KLHL1: variants seen among roughly 807,000 people sequenced by gnomAD.
KLHL1 encodes kelch-like protein 1.
In KLHL1, 47 loss-of-function variants were observed where a neutral mutation model predicts 77.7. The observed-to-expected ratio is 0.60, with a 90% CI of 0.48 to 0.77. KLHL1 has a LOEUF of 0.77. Ranked by LOEUF, KLHL1 falls within the 30% of genes least tolerant of loss-of-function variation. The pLI is 0.00. For missense variants in KLHL1, 925 were observed against 910.8 expected, an observed-to-expected ratio of 1.02 and a Z score of -0.20; for synonymous variants, 360 against 325.2, an observed-to-expected ratio of 1.11 and a Z score of -1.15.
intron 9 of KLHL1, among the ~76,000 whole-genome samples, chr13:69,718,413 T>G (rs1474810627): frequency 3.0e-5 from 1 of 33,658 alleles, no homozygotes; most frequent in African/African-American, 8.0e-5. Flanking sequence ...ATATTCTAGG[T>G]TTTTTTTTCA....
At chr13:70,086,214 T>C (rs557345816) in intron 1 of KLHL1, among the ~76,000 whole-genome samples, 1 of 151,998 alleles carries the variant, frequency 6.6e-6, no homozygotes, top group South Asian at 2.1e-4. Context: ...GTTAAAATTA[T>C]GTTGTGAGAG....
intron 5 of KLHL1, among the ~76,000 whole-genome samples, chr13:69,873,579 T>C (rs1027111588): frequency 3.3e-5 from 5 of 152,118 alleles, no homozygotes; most frequent in Non-Finnish European, 7.4e-5. Context: ...CACTGTTAGC[T>C]CCACTGCCAC....
chr13:70,061,307 C>T (rs1886878523), intron 1 of KLHL1, among the ~76,000 whole-genome samples: 1 of 151,384 alleles, frequency 6.6e-6, no homozygotes, highest in Non-Finnish European at 1.5e-5. Flanking sequence ...GGGTTTTGTC[C>T]TTACTCCCCT....
At chr13:69,828,689 T>A (rs764266882) in intron 6 of KLHL1, among the ~76,000 whole-genome samples, 2 of 150,168 alleles carry the variant, frequency 1.3e-5, no homozygotes, top group Admixed American at 1.3e-4. Context: ...ATCAGCTGCC[T>A]GGATATAAAC....
chr13:70,040,166 A>G (rs955093521), intron 1 of KLHL1, among the ~76,000 whole-genome samples: 1 of 152,108 alleles, frequency 6.6e-6, no homozygotes, highest in Non-Finnish European at 1.5e-5. Flanking sequence ...TAACCATCAA[A>G]CATATTTAAG....
chr13:69,817,312 C>CA (rs35958207), intron 6 of KLHL1, among the ~76,000 whole-genome samples: 2 of 151,808 alleles, frequency 1.3e-5, no homozygotes, highest in Non-Finnish European at 2.9e-5. Flanking sequence ...GATTGTATGG[C>CA]AAAAAAAGAA....
Position 70,108,326 on chromosome 13 carries a change from T to C in KLHL1, c.-627A>G. ...GGGTGGCTCTGAGAAAGTCAATTGC[T>C]TTCTGCAATGCCAGAAGAGGTGGTT... On this transcript the variant is annotated 5_prime_UTR_variant, in exon 1 of 11. Transcript: ENST00000377844. The C allele has an allele frequency of 3.2e-6, 1 of 310,498 alleles. No individual in the cohort carries two copies. The highest frequency in any genetic ancestry group is 5.8e-6 in the Non-Finnish European group (1 of 171,376). The allele number at this position is 310,498 out of a possible 1,614,324, so 19.2% of individuals were successfully genotyped here.
chr13:69,864,270 C>A (rs1453628021), intron 5 of KLHL1, among the ~76,000 whole-genome samples: 1 of 151,732 alleles, frequency 6.6e-6, no homozygotes, highest in East Asian at 1.9e-4. Context: ...TATTAAAGCA[C>A]TCATCTAAAA....
intron 5 of KLHL1, among the ~76,000 whole-genome samples, chr13:69,867,765 A>G (rs1396506437): frequency 1.3e-5 from 2 of 150,096 alleles, no homozygotes; most frequent in Non-Finnish European, 3.0e-5. Flanking sequence ...TAAAGAAAAA[A>G]GCATATGTAA....
At chr13:69,768,507 T>G (rs1317097969) in intron 7 of KLHL1, among the ~76,000 whole-genome samples, 1 of 152,094 alleles carries the variant, frequency 6.6e-6, no homozygotes, top group Admixed American at 6.5e-5. Context: ...TTTACTGTTT[T>G]CAAATGATGT....
intron 1 of KLHL1, among the ~76,000 whole-genome samples, chr13:69,977,457 T>C (rs1429724985): frequency 6.6e-6 from 1 of 151,868 alleles, no homozygotes; most frequent in Non-Finnish European, 1.5e-5. Context: ...TAGAAAATAC[T>C]CAAACTAAGT....
intron 6 of KLHL1, among the ~76,000 whole-genome samples, chr13:69,810,682 A>G (rs1877837306): frequency 1.3e-5 from 2 of 152,000 alleles, no homozygotes; most frequent in Non-Finnish European, 1.5e-5. Flanking sequence ...ATAAAATCAG[A>G]AAACAACTAA....
Position 69,896,421 on chromosome 13 carries a change from A to G in KLHL1, c.1015-13926T>C, listed in dbSNP as rs77318314. ...GTAATAGCTAGATAAGTATTTGAAT[A>G]ATCAGGACACCTTGGCAGACGGGAG... On this transcript the variant is annotated intron_variant, in intron 4 of 10. Coordinates refer to ENST00000377844, the MANE Select transcript of KLHL1 (RefSeq NM_020866.3). 5.1e-4 allele frequency among the ~76,000 whole-genome samples: 78 copies of G among 152,326 alleles called. 5 individuals are homozygous for G. The East Asian group carries it at 0.015, about 29-fold the overall frequency.
At chr13:69,809,082 A>G (rs1228725500) in intron 6 of KLHL1, among the ~76,000 whole-genome samples, 2 of 152,168 alleles carry the variant, frequency 1.3e-5, no homozygotes, top group African/African-American at 2.4e-5. Flanking sequence ...AACAAAATCT[A>G]TGATATTAGC....
chr13:69,725,799 G>A (rs1192137838), intron 8 of KLHL1, among the ~76,000 whole-genome samples: 3 of 152,100 alleles, frequency 2.0e-5, no homozygotes, highest in African/African-American at 7.2e-5. Context: ...CCACAGAAAG[G>A]CAGATATAAG....
At chr13:69,896,038 T>C (rs1881625372) in intron 4 of KLHL1, among the ~76,000 whole-genome samples, 1 of 152,012 alleles carries the variant, frequency 6.6e-6, no homozygotes, top group African/African-American at 2.4e-5. Context: ...CTCATTCACA[T>C]TGCTGGTAGA....
At chr13:69,796,717 A>AG in intron 7 of KLHL1, 21 bp downstream of exon 7, 1 of 1,484,754 alleles carries the variant, frequency 6.7e-7, no homozygotes, top group Non-Finnish European at 9.4e-7. Context: ...TAAAAGTAAT[A>AG]TCAATAAAGT....
intron 1 of KLHL1, among the ~76,000 whole-genome samples, chr13:70,065,421 A>G (rs907776547): frequency 2.0e-5 from 3 of 152,176 alleles, no homozygotes; most frequent in Admixed American, 1.3e-4. Flanking sequence ...GAGACATATT[A>G]GGGAAAGCAC....
intron 1 of KLHL1, among the ~76,000 whole-genome samples, chr13:70,068,319 C>T (rs376519002): frequency 2.6e-5 from 4 of 150,948 alleles, no homozygotes; most frequent in Admixed American, 1.3e-4. Flanking sequence ...CCAGCCTGGG[C>T]GACAGAGCGA....
Sources: gnomAD v4.1 joint callset for allele counts (sites outside exome capture counted in the v4.1 genomes callset) on GRCh38, gnomAD v4.1.1 for gene constraint, MANE v1.5 for transcripts, NCBI Gene and HGNC (gene_info 2026-07-23, HGNC 2026-07-21) for gene names.